The following MYO1E variants were observed in gnomAD, a reference collection of about 807,000 sequenced individuals.
The protein encoded by MYO1E is myosin IE, also known as unconventional myosin-Ie.
In MYO1E, 68 loss-of-function variants were observed where a neutral mutation model predicts 151.1. That is an observed-to-expected ratio of 0.45 (90% CI 0.37 to 0.55). The LOEUF (loss-of-function observed/expected upper bound fraction) is 0.55. Ranked by LOEUF, MYO1E falls within the 20% of genes least tolerant of loss-of-function variation. MYO1E has a pLI of 0.00. For synonymous variants in MYO1E, 601 were observed against 501.7 expected, an observed-to-expected ratio of 1.20 and a Z score of -2.64; for missense variants, 1,363 against 1,389.3, an observed-to-expected ratio of 0.98 and a Z score of 0.30.
At chr15:59,272,867 A>G (rs1447187839) in intron 1 of MYO1E, among the ~76,000 whole-genome samples, 1 of 152,248 alleles carries the variant, frequency 6.6e-6, no homozygotes, top group Non-Finnish European at 1.5e-5. Flanking sequence ...TGTCGGTGAA[A>G]ATAAGCAACG....
rs1452818863 is a variant in MYO1E, at chr15:59,268,718, G to GTTTTTTTTTTTTTTTTTTTTT, written c.147+3587_147+3588insAAAAAAAAAAAAAAAAAAAAA. 5.1e-3 allele frequency among the ~76,000 whole-genome samples: 61 copies of GTTTTTTTTTTTTTTTTTTTTT among 12,028 alleles called. 1 individual carries two copies. Among genetic ancestry groups the GTTTTTTTTTTTTTTTTTTTTT allele is most frequent in the Non-Finnish European group, 0.016 (38 of 2,444 alleles). 7.9% of individuals were successfully genotyped at this position (12,028 alleles called of 152,430 possible). ...TGGTGATGGGTTCTGGGTGACTTTG[G>GTTTTTTTTTTTTTTTTTTTTT]TATTTTTTTTTTTTTTTTTTTTTGC... On this transcript the variant is annotated intron_variant, in intron 2 of 27. Transcript: ENST00000288235.
At chr15:59,209,470 G>A (rs983953106) in intron 13 of MYO1E, among the ~76,000 whole-genome samples, 3 of 152,026 alleles carry the variant, frequency 2.0e-5, no homozygotes, top group Non-Finnish European at 4.4e-5. Flanking sequence ...GAGGTCAGGA[G>A]TTCAAGACCA....
intron 14 of MYO1E, chr15:59,207,757 C>A: frequency 6.2e-7 from 1 of 1,614,132 alleles, no homozygotes; most frequent in East Asian, 2.2e-5. Flanking sequence ...TGATAAAGAT[C>A]CTGAGCAATG....
chr15:59,248,127 CAAAAAAAAAAAAAAAAAA>C (rs138467126), intron 4 of MYO1E, among the ~76,000 whole-genome samples: 2 of 35,890 alleles, frequency 5.6e-5, no homozygotes, highest in South Asian at 3.8e-3. Flanking sequence ...GACTCCGTCT[CAAAAAAAAAAAAAAAAAA>C]AAAAAAAAAG....
chr15:59,237,609 A>C (rs1285121417), intron 4 of MYO1E, among the ~76,000 whole-genome samples: 1 of 152,140 alleles, frequency 6.6e-6, no homozygotes, highest in Non-Finnish European at 1.5e-5. Context: ...TGAAAAATGC[A>C]GACTGCTACA....
chr15:59,214,906 A>G (rs1478776208), intron 10 of MYO1E, among the ~76,000 whole-genome samples, 186 bp from the exon 11 acceptor site: 1 of 152,236 alleles, frequency 6.6e-6, no homozygotes, highest in East Asian at 1.9e-4. Context: ...TACTTTGGAA[A>G]ACCACCAGGA....
intron 18 of MYO1E, among the ~76,000 whole-genome samples, chr15:59,179,388 T>G (rs1296844705): frequency 2.6e-5 from 4 of 152,226 alleles, no homozygotes; most frequent in Non-Finnish European, 5.9e-5. Context: ...CAGATGAAGG[T>G]GAGAGCTCCA....
chr15:59,273,852 G>A (rs1372640278), intron 1 of MYO1E, among the ~76,000 whole-genome samples: 2 of 152,066 alleles, frequency 1.3e-5, no homozygotes, highest in South Asian at 2.1e-4. Flanking sequence ...GGTGAGACTC[G>A]CCCCTGCCCC....
intron 1 of MYO1E, 28 bp from the exon 2 acceptor site, chr15:59,272,477 G>A (rs2080294331): frequency 6.2e-7 from 1 of 1,612,796 alleles, no homozygotes; most frequent in Non-Finnish European, 8.5e-7. Context: ...ACAATTACTA[G>A]GATAGTTTGT....
chr15:59,280,316 A>AT (rs1371161156), intron 1 of MYO1E, among the ~76,000 whole-genome samples: 1 of 152,180 alleles, frequency 6.6e-6, no homozygotes, highest in Non-Finnish European at 1.5e-5. Flanking sequence ...ACATTTTCAC[A>AT]TTTTGAAATT....
intron 25 of MYO1E, among the ~76,000 whole-genome samples, chr15:59,157,324 A>C (rs2079514884): frequency 6.6e-6 from 1 of 152,200 alleles, no homozygotes; most frequent in Non-Finnish European, 1.5e-5. Flanking sequence ...CCTGAATCCT[A>C]ATCTCAGAAA....
At chr15:59,278,997 G>C (rs1274237181) in intron 1 of MYO1E, among the ~76,000 whole-genome samples, 1 of 151,920 alleles carries the variant, frequency 6.6e-6, no homozygotes, top group South Asian at 2.1e-4. Context: ...TGAGGCTCGG[G>C]GAAGGGAATA....
At position 59,214,306 on chromosome 15, in the gene MYO1E, G is replaced by C. The variant is rs550524838; in HGVS notation, c.1197C>G (p.Gly399=). ...CAAAATTGATACAAAACTGTTCAAA[G>C]CCATTTTTCTGGAAAAAAAAAGTTA... ...IYGFEIFQKN[G]FEQFCINFVN... The change falls in exon 12 of 28, where the codon GGC becomes GGG. Residue 399 remains glycine (G), a synonymous_variant. Coordinates refer to ENST00000288235, the MANE Select transcript of MYO1E (RefSeq NM_004998.4). The C allele has an allele frequency of 1.2e-6, 2 of 1,609,448 alleles. No individual in the cohort carries two copies. The highest frequency in any genetic ancestry group is 2.2e-5 in the South Asian group (2 of 90,198).
intron 17 of MYO1E, among the ~76,000 whole-genome samples, chr15:59,195,012 C>T (rs1392686822): frequency 4.6e-5 from 7 of 152,068 alleles, no homozygotes; most frequent in Middle Eastern, 3.4e-3. Flanking sequence ...AGTGTCTTCA[C>T]GAGGCACAGC....
intron 18 of MYO1E, among the ~76,000 whole-genome samples, chr15:59,179,810 T>C (rs986923028): frequency 6.6e-6 from 1 of 152,260 alleles, no homozygotes; most frequent in Non-Finnish European, 1.5e-5. Context: ...GAGGCTGATA[T>C]AATCAAGGAG....
intron 1 of MYO1E, among the ~76,000 whole-genome samples, chr15:59,290,013 G>A (rs2080409590): frequency 6.6e-6 from 1 of 152,224 alleles, no homozygotes; most frequent in Non-Finnish European, 1.5e-5. Flanking sequence ...CTTTTCTTGA[G>A]CACCAACCAT....
intron 16 of MYO1E, among the ~76,000 whole-genome samples, chr15:59,198,695 C>CTGTA (rs1250566616): frequency 1.3e-5 from 2 of 151,978 alleles, no homozygotes; most frequent in African/African-American, 4.8e-5. Flanking sequence ...GTGGTGCCAC[C>CTGTA]TGTAGTCCAG....
intron 1 of MYO1E, among the ~76,000 whole-genome samples, chr15:59,368,326 C>T (rs1040378501): frequency 6.6e-6 from 1 of 152,112 alleles, no homozygotes; most frequent in Non-Finnish European, 1.5e-5. Context: ...TTTAAGTTTG[C>T]AACCACTGGC....
At chr15:59,352,874 T>C (rs1188366113) in intron 1 of MYO1E, among the ~76,000 whole-genome samples, 1 of 152,198 alleles carries the variant, frequency 6.6e-6, no homozygotes, top group Non-Finnish European at 1.5e-5. Flanking sequence ...GAAAACTCTT[T>C]ATCACCATGT....
Sources: allele counts gnomAD v4.1 joint callset (sites outside exome capture counted in the v4.1 genomes callset), GRCh38; gene constraint gnomAD v4.1.1; transcripts MANE v1.5; gene names NCBI Gene and HGNC (gene_info 2026-07-23, HGNC 2026-07-21).